STIM2: variants seen among roughly 807,000 people sequenced by gnomAD.
The protein encoded by STIM2 is stromal interaction molecule 2.
In STIM2, 31 loss-of-function variants were observed where a neutral mutation model predicts 85.8. The observed-to-expected ratio is 0.36, with a 90% CI of 0.27 to 0.49. The LOEUF is 0.49. Among genes scored for constraint, STIM2 ranks in the 20% least tolerant of loss-of-function variants. STIM2 has a pLI of 0.98. For synonymous variants in STIM2, 356 were observed against 331.1 expected (o/e 1.08, Z -0.82); for missense variants, 841 against 927.6 (o/e 0.91, Z 1.21).
At chr4:26,929,193 C>T (rs1725109109) in intron 2 of STIM2, among the ~76,000 whole-genome samples, 1 of 152,088 alleles carries the variant, frequency 6.6e-6, no homozygotes, top group African/African-American at 2.4e-5. Flanking sequence ...AAATTTACTT[C>T]CTTTGTTTTT....
chr4:26,942,913 A>G (rs1725669183), intron 2 of STIM2, among the ~76,000 whole-genome samples: 1 of 152,154 alleles, frequency 6.6e-6, no homozygotes, highest in African/African-American at 2.4e-5. Context: ...CAACTGCATC[A>G]ACATCTCTAC....
chr4:26,900,630 T>A (rs1336872081), intron 1 of STIM2, among the ~76,000 whole-genome samples: 1 of 152,228 alleles, frequency 6.6e-6, no homozygotes, highest in Non-Finnish European at 1.5e-5. Flanking sequence ...AATCTTAATT[T>A]ATAATTGGCA....
chr4:26,893,060 A>G (rs372594256), intron 1 of STIM2, among the ~76,000 whole-genome samples: 16 of 152,228 alleles, frequency 1.1e-4, no homozygotes, highest in African/African-American at 3.4e-4. Flanking sequence ...TGTTAGAATC[A>G]CTACCCCTGC....
At chr4:26,869,140 C>CA (rs748500668) in intron 1 of STIM2, among the ~76,000 whole-genome samples, 2 of 151,630 alleles carry the variant, frequency 1.3e-5, no homozygotes, top group Non-Finnish European at 2.9e-5. Context: ...TCAAAAAATA[C>CA]AAAAAAATTA....
intron 1 of STIM2, among the ~76,000 whole-genome samples, chr4:26,879,859 A>C (rs1722939035): frequency 6.6e-6 from 1 of 152,132 alleles, no homozygotes; most frequent in Non-Finnish European, 1.5e-5. Context: ...CTGCCAGTAA[A>C]TACTATGGGT....
chr4:26,861,568 C>T, intron 1 of STIM2, 199 bp downstream of exon 1: 4 of 782,156 alleles, frequency 5.1e-6, no homozygotes, highest in South Asian at 6.0e-5. Flanking sequence ...CCCGCCCTCG[C>T]CGAGCCTCTC....
chr4:26,909,337 AT>A (rs1218105718), intron 1 of STIM2, among the ~76,000 whole-genome samples: 13 of 152,222 alleles, frequency 8.5e-5, no homozygotes, highest in Non-Finnish European at 1.6e-4. Flanking sequence ...GGGTGCTATT[AT>A]TTCCATTCTA....
intron 10 of STIM2, among the ~76,000 whole-genome samples, chr4:27,017,088 T>C (rs1482463213): frequency 1.3e-5 from 2 of 152,166 alleles, no homozygotes; most frequent in African/African-American, 4.8e-5. Flanking sequence ...TTAGTGAGGA[T>C]ATTGAAGATG....
In STIM2 at chr4:26,942,433, A is replaced by G. The variant is rs142559806; in HGVS notation, c.283-15179A>G. ...CTTGACTCTCCTTCTCCCTTTGGTT[A>G]TTGCCTCATTCTTCCCTCCTTTGAT... On this transcript the variant is annotated intron_variant, in intron 2 of 11. Transcript: ENST00000467087. 5.8e-3 allele frequency among the ~76,000 whole-genome samples: 889 copies of G among 152,178 alleles called. 19 individuals carry two copies. Among genetic ancestry groups the G allele is most frequent in the Non-Finnish European group, 6.8e-3 (459 of 67,964 alleles).
At chr4:27,006,402 T>A (rs1029482657) in intron 7 of STIM2, among the ~76,000 whole-genome samples, 2 of 152,208 alleles carry the variant, frequency 1.3e-5, no homozygotes, top group African/African-American at 4.8e-5. Flanking sequence ...AAACATTCCT[T>A]TGCTCTTCAG....
chr4:26,862,996 A>T (rs1722275456), intron 1 of STIM2, among the ~76,000 whole-genome samples: 1 of 152,186 alleles, frequency 6.6e-6, no homozygotes, highest in African/African-American at 2.4e-5. Context: ...TAATTGGCTA[A>T]TGCTCTGTGA....
intron 1 of STIM2, among the ~76,000 whole-genome samples, chr4:26,904,682 C>A (rs79382846): frequency 1.3e-5 from 2 of 150,566 alleles, no homozygotes; most frequent in Non-Finnish European, 2.9e-5. Context: ...AGACAGCCAG[C>A]GGGAATATTT....
intron 3 of STIM2, among the ~76,000 whole-genome samples, chr4:26,986,210 T>G (rs1560230539): frequency 6.6e-6 from 1 of 152,236 alleles, no homozygotes; most frequent in Non-Finnish European, 1.5e-5. Context: ...TATGAGAGGA[T>G]TCATGTAAAG....
At position 27,003,087 on chromosome 4, in the gene STIM2, G is replaced by A. The variant is rs781361800; in HGVS notation, c.964G>A (p.Glu322Lys). The A allele has an allele frequency of 6.3e-7, 1 of 1,578,524 alleles. No individual in the cohort carries two copies. The highest frequency in any genetic ancestry group is 8.6e-7 in the Non-Finnish European group (1 of 1,167,434). Residue 322 changes from glutamate (E) to lysine (K), a missense_variant, in exon 7 of 12, where the codon GAA becomes AAA. Transcript: ENST00000467087. Reference sequence around the variant, plus strand: ...TGAATTGAGTAGACGTCAGTATGCAGAACAGGAATTGGAACAGGTATTTAC... The same window carrying A: ...TGAATTGAGTAGACGTCAGTATGCAAAACAGGAATTGGAACAGGTATTTAC...
At chr4:27,018,761 T>A (rs1207876143) in intron 11 of STIM2, among the ~76,000 whole-genome samples, 2 of 152,192 alleles carry the variant, frequency 1.3e-5, no homozygotes, top group African/African-American at 2.4e-5. Flanking sequence ...CATAAACTTG[T>A]CATGAACAAT....
chr4:26,864,583 T>A (rs185080649), intron 1 of STIM2, among the ~76,000 whole-genome samples: 1 of 152,254 alleles, frequency 6.6e-6, no homozygotes, highest in East Asian at 1.9e-4. Flanking sequence ...CTGAAAATAT[T>A]TGCCTCTATC....
chr4:27,009,104 T>A, intron 10 of STIM2, 102 bp downstream of exon 10: 2 of 1,042,364 alleles, frequency 1.9e-6, no homozygotes, highest in Non-Finnish European at 1.4e-6. Context: ...GAGAAAAAAT[T>A]GGGTTTATCC....
At chr4:26,939,839 G>T (rs1187181932) in intron 2 of STIM2, among the ~76,000 whole-genome samples, 3 of 152,130 alleles carry the variant, frequency 2.0e-5, no homozygotes, top group Non-Finnish European at 4.4e-5. Flanking sequence ...ACTAAATATG[G>T]GGCAGATTGA....
intron 3 of STIM2, among the ~76,000 whole-genome samples, chr4:26,983,789 A>G (rs1344932709): frequency 6.6e-6 from 1 of 152,186 alleles, no homozygotes; most frequent in Non-Finnish European, 1.5e-5. Flanking sequence ...TTCTTACATC[A>G]TGCTTTCTGG....
Sources: gnomAD v4.1 joint callset for allele counts (sites outside exome capture counted in the v4.1 genomes callset) on GRCh38, gnomAD v4.1.1 for gene constraint, MANE v1.5 for transcripts, NCBI Gene and HGNC (gene_info 2026-07-23, HGNC 2026-07-21) for gene names.